Variants in UNC80 observed in about 807,000 individuals in gnomAD.
The protein encoded by UNC80 is protein unc-80 homolog.
UNC80 carries 164 observed loss-of-function variants against 384.6 expected under a neutral mutation model. The observed-to-expected ratio is 0.43, with a 90% CI of 0.38 to 0.49. UNC80 has a LOEUF of 0.49. Ranked by LOEUF, UNC80 falls within the 20% of genes least tolerant of loss-of-function variation. The probability of loss-of-function intolerance (pLI) is 0.00; values close to 1 mark genes in which losing one functional copy is unlikely to be tolerated. For synonymous variants in UNC80, 1,486 were observed against 1,527.8 expected (o/e 0.97, Z 0.64); for missense variants, 3,330 against 4,143.0 (o/e 0.80, Z 5.39).
chr2:209,966,385 C>G (rs1462199638), intron 51 of UNC80, among the ~76,000 whole-genome samples: 3 of 152,150 alleles, frequency 2.0e-5, no homozygotes, highest in African/African-American at 7.2e-5. Context: ...GTATACATTA[C>G]CTCTTAATAT....
intron 40 of UNC80, among the ~76,000 whole-genome samples, chr2:209,936,578 A>G (rs566578287): frequency 3.2e-4 from 48 of 152,102 alleles, no homozygotes; most frequent in African/African-American, 5.1e-4. Context: ...TTATCGTACC[A>G]TTCTTTGGAT....
At position 209,995,759 on chromosome 2, in the gene UNC80, TC is replaced by T; in HGVS notation, c.*165del. 1 of 766,734 alleles carries T rather than the reference TC, an allele frequency of 1.3e-6. No individual in the cohort carries two copies. Among genetic ancestry groups the T allele is most frequent in the Non-Finnish European group, 2.0e-6 (1 of 492,444 alleles). 47.5% of individuals were successfully genotyped at this position (766,734 alleles called of 1,614,324 possible). ...TTTTGCTGCCAATACACATGATGTT[TC>T]ATAAACATCTTAAAAGTCAATGGCT... On this transcript the variant is annotated 3_prime_UTR_variant, in exon 65 of 65. Transcript: ENST00000673920.
In UNC80 at chr2:209,825,970, T is replaced by C; in HGVS notation, c.2395T>C (p.Ser799Pro). ...AACAATGCTCATCAAAATAGTGAAG[T>C]CTTTGGGATGTGCCTATGGTTGTGG... Reference protein sequence around the residue: ...ALTMLIKIVKSLGCAYGCGEG... With the variant: ...ALTMLIKIVKPLGCAYGCGEG... Residue 799 changes from serine (S) to proline (P), a missense_variant, in exon 14 of 65, where the codon TCT (serine) becomes CCT (proline). Coordinates refer to ENST00000673920, the MANE Select transcript of UNC80 (RefSeq NM_001371986.1). 1.3e-6 allele frequency: 2 copies of C among 1,550,924 alleles called. No homozygotes were observed. The highest frequency in any genetic ancestry group is 1.7e-6 in the Non-Finnish European group (2 of 1,146,528).
chr2:209,789,349 C>T (rs1299654083), intron 5 of UNC80, among the ~76,000 whole-genome samples, 183 bp from the exon 6 acceptor site: 1 of 151,930 alleles, frequency 6.6e-6, no homozygotes, highest in Non-Finnish European at 1.5e-5. Context: ...ACATCAATAA[C>T]CAAAAAAATG....
intron 36 of UNC80, among the ~76,000 whole-genome samples, chr2:209,928,459 T>C (rs1345134562): frequency 6.6e-6 from 1 of 152,216 alleles, no homozygotes; most frequent in Admixed American, 6.5e-5. Context: ...TTTTTCTCTT[T>C]GCATTTTTTT....
chr2:209,958,292 G>C (rs989977920), intron 49 of UNC80, among the ~76,000 whole-genome samples: 1 of 151,856 alleles, frequency 6.6e-6, no homozygotes, highest in Non-Finnish European at 1.5e-5. Flanking sequence ...TAAATATTCC[G>C]ACATACACAA....
intron 44 of UNC80, 96 bp downstream of exon 44, chr2:209,941,585 G>T: frequency 7.8e-7 from 1 of 1,280,390 alleles, no homozygotes; most frequent in Non-Finnish European, 1.0e-6. Flanking sequence ...TTTAATGATG[G>T]TGTTATCATC....
chr2:209,884,883 A>G (rs1195633320), intron 25 of UNC80, among the ~76,000 whole-genome samples: 3 of 151,212 alleles, frequency 2.0e-5, no homozygotes, highest in Non-Finnish European at 3.0e-5. Flanking sequence ...AACAACACAC[A>G]CTGGGGTCTG....
At chr2:209,812,392 T>C (rs143203635) in intron 7 of UNC80, among the ~76,000 whole-genome samples, 1 of 152,140 alleles carries the variant, frequency 6.6e-6, no homozygotes, top group East Asian at 1.9e-4. Context: ...TAGGTTAAAA[T>C]AGTAGCTGTG....
intron 28 of UNC80, among the ~76,000 whole-genome samples, chr2:209,900,858 A>G (rs2087317720): frequency 6.6e-6 from 1 of 152,240 alleles, no homozygotes; most frequent in Non-Finnish European, 1.5e-5. Flanking sequence ...TCTGGACAGA[A>G]GATCAAACCA....
rs1304149807 is a variant in UNC80, at chr2:209,820,359, C to T, written c.2011C>T (p.Arg671Cys). 8 of 1,551,480 alleles carry T rather than the reference C, an allele frequency of 5.2e-6. No homozygotes were observed. Among genetic ancestry groups the T allele is most frequent in the South Asian group, 4.8e-5 (4 of 83,936 alleles). The stretch of plus-strand genomic sequence containing the variant: ...TGTCCTTAATCATGACATCAGCTCT[C>T]GTATCTGTGACGTGGCGCTAAACAT... ...YLVLNHDISS[R>C]ICDVALNIVE... is the part of the protein sequence containing the mutation. Residue 671 changes from arginine (R) to cysteine (C), a missense_variant, in exon 13 of 65, where the codon CGT (arginine) becomes TGT (cysteine). Arg to Cys is a radical substitution (Grantham distance 180). Transcript: ENST00000673920.
chr2:209,989,472 A>G lies in UNC80; in HGVS notation c.9315-2694A>G, dbSNP rs779019497. Among the ~76,000 whole-genome samples the G allele has an allele frequency of 6.2e-4, 94 of 152,194 alleles. 1 individual carries two copies. The highest frequency in any genetic ancestry group is 1.7e-3 in the Admixed American group (26 of 15,286). Reference sequence around the variant, plus strand: ...CTTATCTGAAAGGATTCAGTTGTCTATTGGAGTATGATATTTTGTGACCAT... The same window carrying G: ...CTTATCTGAAAGGATTCAGTTGTCTGTTGGAGTATGATATTTTGTGACCAT... On this transcript the variant is annotated intron_variant, in intron 61 of 64. Coordinates refer to ENST00000673920, the MANE Select transcript of UNC80 (RefSeq NM_001371986.1).
At chr2:209,900,147 T>C (rs543118941) in intron 28 of UNC80, among the ~76,000 whole-genome samples, 1 of 152,318 alleles carries the variant, frequency 6.6e-6, no homozygotes, top group East Asian at 1.9e-4. Flanking sequence ...CAAATATGTA[T>C]ATTTATGTAT....
chr2:209,885,068 A>C (rs2085656192), intron 25 of UNC80, among the ~76,000 whole-genome samples: 1 of 152,006 alleles, frequency 6.6e-6, no homozygotes, highest in Non-Finnish European at 1.5e-5. Flanking sequence ...AAATTAAATT[A>C]ATTCTTTTTA....
chr2:209,934,145 GT>G, intron 39 of UNC80, 140 bp downstream of exon 39: 1 of 827,740 alleles, frequency 1.2e-6, no homozygotes, highest in Non-Finnish European at 1.8e-6. Flanking sequence ...AAGAATTTTT[GT>G]TTAATATAAT....
chr2:209,888,884 A>C (rs966194142), intron 26 of UNC80, among the ~76,000 whole-genome samples: 1 of 152,196 alleles, frequency 6.6e-6, no homozygotes, highest in Non-Finnish European at 1.5e-5. Flanking sequence ...CTTAACATCA[A>C]TGGCATCTAT....
At chr2:209,874,595 C>A (rs1490201748) in intron 23 of UNC80, among the ~76,000 whole-genome samples, 2 of 152,202 alleles carry the variant, frequency 1.3e-5, no homozygotes, top group South Asian at 2.1e-4. Flanking sequence ...TTTCCTTGCA[C>A]CTCTGTGCCT....
rs1044223649 is a variant in UNC80 at position 209,997,535 on chromosome 2, A to G, written c.*1940A>G. The G allele has an allele frequency of 6.6e-6, 1 of 152,244 alleles. No individual in the cohort carries two copies. The highest frequency in any genetic ancestry group is 1.5e-5 in the Non-Finnish European group (1 of 68,040). 9.4% of individuals were successfully genotyped at this position (152,244 alleles called of 1,614,324 possible). The stretch of plus-strand genomic sequence containing the variant: ...AAATATTTAAATAGCAAAGAAGTCA[A>G]AGAAGATTGTTAAATATTCAACAAG... On this transcript the variant is annotated 3_prime_UTR_variant, in exon 65 of 65. Coordinates refer to ENST00000673920, the MANE Select transcript of UNC80 (RefSeq NM_001371986.1).
intron 12 of UNC80, 143 bp downstream of exon 12, chr2:209,819,404 A>G (rs2079981058): frequency 3.4e-6 from 3 of 887,034 alleles, no homozygotes; most frequent in Non-Finnish European, 4.9e-6. Flanking sequence ...AAAAAAATTC[A>G]CCAATGTTTC....
Sources: allele counts gnomAD v4.1 joint callset (sites outside exome capture counted in the v4.1 genomes callset), GRCh38; gene constraint gnomAD v4.1.1; transcripts MANE v1.5; gene names NCBI Gene and HGNC (gene_info 2026-07-23, HGNC 2026-07-21).